The following RASGRF2 variants were observed in gnomAD, a reference collection of about 807,000 sequenced individuals.
RASGRF2 encodes ras-specific guanine nucleotide-releasing factor 2.
In RASGRF2, 76 loss-of-function variants were observed where a neutral mutation model predicts 151.0. The ratio of observed to expected loss-of-function variants is 0.50; its 90% CI spans 0.42 to 0.61. RASGRF2 has a LOEUF of 0.61. Among genes scored for constraint, RASGRF2 ranks in the 20% least tolerant of loss-of-function variants. RASGRF2 has a pLI of 0.00. For synonymous variants in RASGRF2, 504 were observed against 566.5 expected (o/e 0.89, Z 1.57); for missense variants, 1,148 against 1,564.6 (o/e 0.73, Z 4.49).
intron 1 of RASGRF2, among the ~76,000 whole-genome samples, chr5:81,026,389 C>T (rs1359370893): frequency 6.6e-6 from 1 of 152,050 alleles, no homozygotes; most frequent in African/African-American, 2.4e-5. Flanking sequence ...CCCCAAGGAG[C>T]CTTTTTGCCT....
chr5:81,222,807 A>T (rs1561267369), intron 26 of RASGRF2, among the ~76,000 whole-genome samples: 2 of 152,220 alleles, frequency 1.3e-5, no homozygotes, highest in Non-Finnish European at 2.9e-5. Context: ...ACGGCAATGA[A>T]GCAATAAAAA....
At chr5:81,217,567 T>TATA in intron 25 of RASGRF2, 94 bp downstream of exon 25, 2 of 832,528 alleles carry the variant, frequency 2.4e-6, no homozygotes, top group Non-Finnish European at 3.3e-6. Flanking sequence ...CTTTTTTTTT[T>TATA]TCTCTTCTTT....
At chr5:81,009,811 G>A (rs945862330) in intron 1 of RASGRF2, among the ~76,000 whole-genome samples, 2 of 152,118 alleles carry the variant, frequency 1.3e-5, no homozygotes, top group Non-Finnish European at 2.9e-5. Context: ...AACTATGCTG[G>A]AATAGCATTG....
At position 81,005,466 on chromosome 5, in the gene RASGRF2, G is replaced by A. The variant is rs371236310; in HGVS notation, c.289-37411G>A. The stretch of plus-strand genomic sequence containing the variant: ...ACCAGGTTCTACCCACAACACATGG[G>A]GATTATGGGAACTGCAATTCAAGAT... On this transcript the variant is annotated intron_variant, in intron 1 of 26. Coordinates refer to ENST00000265080, the MANE Select transcript of RASGRF2 (RefSeq NM_006909.3). Among the ~76,000 whole-genome samples the A allele has an allele frequency of 2.0e-5, 3 of 152,204 alleles. No individual in the cohort carries two copies. The South Asian group carries it at 6.2e-4, about 32-fold the overall frequency.
chr5:81,089,942 A>T (rs1255738642), intron 9 of RASGRF2, among the ~76,000 whole-genome samples: 1 of 152,246 alleles, frequency 6.6e-6, no homozygotes, highest in East Asian at 1.9e-4. Flanking sequence ...ATGAATATTT[A>T]GTAGAAGATA....
At chr5:81,071,877 C>T (rs1024891121) in intron 4 of RASGRF2, among the ~76,000 whole-genome samples, 3 of 151,982 alleles carry the variant, frequency 2.0e-5, no homozygotes, top group African/African-American at 7.3e-5. Flanking sequence ...GCAAGCACCC[C>T]CTGCCCAAGT....
chr5:80,975,498 G>A (rs531035227), intron 1 of RASGRF2, among the ~76,000 whole-genome samples: 140 of 152,034 alleles, frequency 9.2e-4, no homozygotes, highest in African/African-American at 3.2e-3. Flanking sequence ...CTTATTTTCT[G>A]GAAACTTACC....
intron 8 of RASGRF2, among the ~76,000 whole-genome samples, chr5:81,086,304 G>A (rs1404776109): frequency 6.6e-6 from 1 of 152,068 alleles, no homozygotes; most frequent in African/African-American, 2.4e-5. Flanking sequence ...TTTGACCCCA[G>A]GAATTTGAGA....
intron 1 of RASGRF2, among the ~76,000 whole-genome samples, chr5:81,042,538 C>T (rs943371676): frequency 3.3e-5 from 5 of 152,132 alleles, no homozygotes; most frequent in Non-Finnish European, 7.4e-5. Context: ...TATCACACCA[C>T]AAAAAAGGAA....
At chr5:81,066,190 ATCAAGACTCTTCTATCTTTTCTTCT>A (rs1348009260) in intron 2 of RASGRF2, among the ~76,000 whole-genome samples, 1 of 152,066 alleles carries the variant, frequency 6.6e-6, no homozygotes, top group Non-Finnish European at 1.5e-5. Context: ...GCATATTCCT[ATCAAGACTCTTCTATCTTTTCTTCT>A]TCTTTTCCCT....
intron 1 of RASGRF2, among the ~76,000 whole-genome samples, chr5:81,030,592 G>C (rs1029039123): frequency 2.0e-5 from 3 of 152,148 alleles, no homozygotes; most frequent in Non-Finnish European, 4.4e-5. Context: ...TTGCAGATAA[G>C]CAAATGCTGA....
At chr5:81,017,122 A>G (rs1749664368) in intron 1 of RASGRF2, among the ~76,000 whole-genome samples, 1 of 152,214 alleles carries the variant, frequency 6.6e-6, no homozygotes, top group South Asian at 2.1e-4. Context: ...GAAATTACCC[A>G]GTTTCACAGC....
rs746309879 is a variant in RASGRF2 at position 81,112,779 on chromosome 5, C to T, written c.2008C>T (p.Arg670Cys). The change falls in exon 14 of 27, where the codon CGT becomes TGT. Residue 670 changes from arginine (R) to cysteine (C), a missense_variant. By Grantham distance (180) the Arg-to-Cys change is radical. Transcript: ENST00000265080. Reference sequence around the variant, plus strand: ...CCTCAACACCTTTCTGCACACCTATCGTATTTTCACTACTGCCGCTGTGGT... The same window carrying T: ...CCTCAACACCTTTCTGCACACCTATTGTATTTTCACTACTGCCGCTGTGGT... ...DFLNTFLHTY[R>C]IFTTAAVVLG... 6 of 1,614,098 alleles carry T rather than the reference C, an allele frequency of 3.7e-6. No individual in the cohort carries two copies. The highest frequency in any genetic ancestry group is 1.3e-5 in the African/African-American group (1 of 74,934).
chr5:80,978,756 CAGCCTG>C (rs984938068), intron 1 of RASGRF2, among the ~76,000 whole-genome samples: 1 of 151,574 alleles, frequency 6.6e-6, no homozygotes, highest in African/African-American at 2.4e-5. Context: ...CATTGCACTC[CAGCCTG>C]GGTGACAAGA....
chr5:80,990,869 G>A (rs2112261712), intron 1 of RASGRF2, among the ~76,000 whole-genome samples: 1 of 152,312 alleles, frequency 6.6e-6, no homozygotes, highest in South Asian at 2.1e-4. Context: ...AAGGTGAGCT[G>A]CATAGCTCAG....
At chr5:81,136,926 G>A (rs1036622198) in intron 17 of RASGRF2, among the ~76,000 whole-genome samples, 5 of 97,134 alleles carry the variant, frequency 5.1e-5, no homozygotes, top group African/African-American at 1.1e-4. Context: ...CTTCATTTCC[G>A]TGTCTGTGTT....
At chr5:81,136,981 C>A (rs561565435) in intron 17 of RASGRF2, among the ~76,000 whole-genome samples, 77 of 151,876 alleles carry the variant, frequency 5.1e-4, no homozygotes, top group Non-Finnish European at 5.3e-4. Context: ...TTCTATTTAC[C>A]TGTTTACATT....
chr5:81,014,964 G>T (rs565553339), intron 1 of RASGRF2, among the ~76,000 whole-genome samples: 1 of 152,092 alleles, frequency 6.6e-6, no homozygotes, highest in Non-Finnish European at 1.5e-5. Context: ...CTGTTGCCCA[G>T]GTTGGAGTGC....
At chr5:81,155,979 C>G (rs1754252415) in intron 17 of RASGRF2, among the ~76,000 whole-genome samples, 1 of 152,142 alleles carries the variant, frequency 6.6e-6, no homozygotes, top group South Asian at 2.1e-4. Flanking sequence ...AGTGTGGGTT[C>G]AAGCCTGCAG....
Sources: allele counts gnomAD v4.1 joint callset (sites outside exome capture counted in the v4.1 genomes callset), GRCh38; gene constraint gnomAD v4.1.1; transcripts MANE v1.5; gene names NCBI Gene and HGNC (gene_info 2026-07-23, HGNC 2026-07-21).